OTOG: variants seen among roughly 807,000 people sequenced by gnomAD.
OTOG encodes otogelin.
Under a neutral mutation model 313.8 loss-of-function variants are expected in OTOG, and 296 were observed. That is an observed-to-expected ratio of 0.94 (90% CI 0.86 to 1.04). The LOEUF is 1.04. Among genes scored for constraint, OTOG ranks in the 50% least tolerant of loss-of-function variants. The probability of loss-of-function intolerance (pLI) is 0.00; values close to 1 mark genes in which losing one functional copy is unlikely to be tolerated. For missense variants in OTOG, 3,948 were observed against 3,840.1 expected, an observed-to-expected ratio of 1.03 and a Z score of -0.74; for synonymous variants, 1,533 against 1,554.9, an observed-to-expected ratio of 0.99 and a Z score of 0.33.
Position 17,609,782 on chromosome 11 carries a change from C to G in OTOG, c.4482C>G (p.Thr1494=). 6.5e-7 allele frequency: 1 copy of G among 1,548,952 alleles called. No individual in the cohort carries two copies. The highest frequency in any genetic ancestry group is 8.7e-7 in the Non-Finnish European group (1 of 1,146,142). Residue 1494 remains threonine, a synonymous_variant, in exon 36 of 56, where the codon ACC becomes ACG. Coordinates refer to ENST00000399397, the MANE Select transcript of OTOG (RefSeq NM_001292063.2). ...CACAGGAAAGCCCCAGGACCCCCAC[C>G]CACAGGCCAGCCCTCACCCCAGCTG... ...QLSQESPRTP[T]HRPALTPAAP...
At chr11:17,594,537 G>A (rs1184961917) in intron 28 of OTOG, among the ~76,000 whole-genome samples, 1 of 152,186 alleles carries the variant, frequency 6.6e-6, no homozygotes, top group African/African-American at 2.4e-5. Flanking sequence ...GGCAATCAGG[G>A]AAGGCTTCCT....
intron 33 of OTOG, among the ~76,000 whole-genome samples, chr11:17,607,459 C>T (rs887296667): frequency 6.6e-6 from 1 of 152,246 alleles, no homozygotes; most frequent in African/African-American, 2.4e-5. Flanking sequence ...CTTTTGAGAA[C>T]ATCTCCTCTG....
chr11:17,634,733 G>A (rs1854218513), intron 44 of OTOG, 111 bp from the exon 45 acceptor site: 4 of 845,406 alleles, frequency 4.7e-6, no homozygotes, highest in Middle Eastern at 3.5e-4. Context: ...GGGCTGGGGG[G>A]AGGAGTGGGG....
intron 8 of OTOG, among the ~76,000 whole-genome samples, 168 bp downstream of exon 8, chr11:17,557,491 C>T (rs896332205): frequency 6.6e-6 from 1 of 152,140 alleles, no homozygotes; most frequent in African/African-American, 2.4e-5. Context: ...TGTCCTTGGG[C>T]ATGTTCTTAA....
intron 39 of OTOG, among the ~76,000 whole-genome samples, chr11:17,624,599 T>G (rs554661098): frequency 1.3e-5 from 2 of 152,336 alleles, no homozygotes; most frequent in South Asian, 4.1e-4. Context: ...TGCCTCCAGC[T>G]TTGTTCTTTT....
Position 17,609,299 on chromosome 11 carries a change from C to G in OTOG, c.4354+90C>G, listed in dbSNP as rs1462165373. 3 of 1,203,014 alleles carry G rather than the reference C, an allele frequency of 2.5e-6. No homozygotes were observed. In the African/African-American group the frequency reaches 4.6e-5, roughly 18 times the overall value. 74.5% of individuals were successfully genotyped at this position (1,203,014 alleles called of 1,614,324 possible). A position where few individuals can be genotyped will look rare whatever the true frequency, so the allele number is the denominator to read the frequency against. On this transcript the variant is annotated intron_variant, in intron 35 of 55. Coordinates refer to ENST00000399397, the MANE Select transcript of OTOG (RefSeq NM_001292063.2). ...CAGTCATGCCTCAAAGCTCCCAGGT[C>G]CCAGAGAAGCAAGATCAGCACAGGG...
chr11:17,557,088 T>TA, intron 7 of OTOG, 30 bp from the exon 8 acceptor site: 1 of 1,543,510 alleles, frequency 6.5e-7, no homozygotes, highest in Non-Finnish European at 8.7e-7. Flanking sequence ...GTGTTGTGGA[T>TA]ACCCTGAAGC....
chr11:17,553,233 C>T (rs1005928148), intron 5 of OTOG, 22 bp downstream of exon 5: 44 of 1,549,002 alleles, frequency 2.8e-5, no homozygotes, highest in Non-Finnish European at 3.8e-5. Flanking sequence ...CTCCACCCCA[C>T]CCCCAGGAAG....
At chr11:17,579,668 T>C (rs1852621420) in intron 23 of OTOG, among the ~76,000 whole-genome samples, 1 of 152,162 alleles carries the variant, frequency 6.6e-6, no homozygotes, top group Non-Finnish European at 1.5e-5. Context: ...GAGTGGCATT[T>C]GAAGAGTATC....
chr11:17,638,664 G>T, intron 48 of OTOG, 115 bp downstream of exon 48: 1 of 1,485,702 alleles, frequency 6.7e-7, no homozygotes, highest in African/African-American at 1.4e-5. Context: ...TCCCCTGCAG[G>T]GTCTCTAGAG....
intron 3 of OTOG, among the ~76,000 whole-genome samples, chr11:17,549,870 G>A (rs924970623): frequency 1.3e-5 from 2 of 152,060 alleles, no homozygotes; most frequent in Non-Finnish European, 2.9e-5. Flanking sequence ...GGGGACTGAG[G>A]CTCATGTACC....
At chr11:17,584,176 A>G (rs1395916047) in intron 23 of OTOG, among the ~76,000 whole-genome samples, 1 of 152,220 alleles carries the variant, frequency 6.6e-6, no homozygotes, top group Non-Finnish European at 1.5e-5. Context: ...TGCTAAATTC[A>G]TTTATGAGTT....
intron 39 of OTOG, among the ~76,000 whole-genome samples, chr11:17,626,025 C>T (rs990553757): frequency 6.6e-6 from 1 of 152,280 alleles, no homozygotes. Flanking sequence ...ATACAGATAT[C>T]CAGTTTCCCC....
At position 17,596,951 on chromosome 11, in the gene OTOG, C is replaced by T. The variant is rs759121634; in HGVS notation, c.3626C>T (p.Ala1209Val). The T allele has an allele frequency of 3.2e-6, 5 of 1,550,696 alleles. No individual in the cohort carries two copies. The highest frequency in any genetic ancestry group is 2.7e-5 in the African/African-American group (2 of 73,182). ...TTCTGTGCCAGCGTCTCCGCTTATG[C>T]CCACCAGTGTTGCCAGCATGGGGTG... ...ECFCASVSAY[A>V]HQCCQHGVAV... is the part of the protein sequence containing the mutation. The change falls in exon 30 of 56, where the codon GCC (alanine) becomes GTC (valine). Residue 1209 changes from alanine (A) to valine (V), a missense_variant. By Grantham distance (64) the Ala-to-Val change is moderately conservative (BLOSUM62 0). Coordinates refer to ENST00000399397, the MANE Select transcript of OTOG (RefSeq NM_001292063.2).
At position 17,611,010 on chromosome 11, in the gene OTOG, A is replaced by G. The variant is rs1853524989; in HGVS notation, c.5710A>G (p.Lys1904Glu). The G allele has an allele frequency of 1.3e-6, 2 of 1,550,534 alleles. No individual in the cohort carries two copies. The highest frequency in any genetic ancestry group is 1.7e-6 in the Non-Finnish European group (2 of 1,147,006). ...CTCCATGGTATCTGTTGTCCCACGA[A>G]AGAGCACCACAGGGAAGGTGGCCAT... ...TASMVSVVPRKSTTGKVAILS... is the reference protein window; with the variant it reads ...TASMVSVVPRESTTGKVAILS... The change falls in exon 36 of 56, where the codon AAG becomes GAG. Residue 1904 changes from lysine to glutamate, a missense_variant. Lys to Glu is a moderately conservative substitution (Grantham distance 56). Transcript: ENST00000399397.
rs757588809 is a variant in OTOG at position 17,594,117 on chromosome 11, T to G, written c.3359T>G (p.Leu1120Arg). The G allele has an allele frequency of 1.3e-6, 2 of 1,550,552 alleles. No individual in the cohort carries two copies. Among genetic ancestry groups the G allele is most frequent in the Admixed American group, 3.9e-5 (2 of 51,010 alleles). ...AATGAGATGAGGACCCCGGAGAACC[T>G]AGAGCTAACTAACCCCCAGGAGTTT... is the stretch of plus-strand genomic sequence containing the variant. ...TINEMRTPEN[L>R]ELTNPQEFGS... The change falls in exon 28 of 56, where the codon CTA (leucine) becomes CGA (arginine). Residue 1120 changes from leucine (L) to arginine (R), a missense_variant. Coordinates refer to ENST00000399397, the MANE Select transcript of OTOG (RefSeq NM_001292063.2).
intron 22 of OTOG, 56 bp from the exon 23 acceptor site, chr11:17,578,317 C>T: frequency 7.0e-7 from 1 of 1,420,554 alleles, no homozygotes. Flanking sequence ...GCCCCTGTAG[C>T]CCAGGAGCCC....
intron 48 of OTOG, 84 bp from the exon 49 acceptor site, chr11:17,639,339 C>G: frequency 2.8e-6 from 4 of 1,432,188 alleles, no homozygotes; most frequent in Middle Eastern, 3.5e-4. Context: ...CGGGTTGTGC[C>G]AGCAGTGAGA....
intron 39 of OTOG, among the ~76,000 whole-genome samples, chr11:17,619,391 A>G (rs573470429): frequency 3.9e-5 from 6 of 152,270 alleles, no homozygotes; most frequent in South Asian, 4.1e-4. Context: ...TATACCATTT[A>G]TGTTTAATTT....
Sources: allele counts gnomAD v4.1 joint callset (sites outside exome capture counted in the v4.1 genomes callset), GRCh38; gene constraint gnomAD v4.1.1; transcripts MANE v1.5; gene names NCBI Gene and HGNC (gene_info 2026-07-23, HGNC 2026-07-21).